The following AKIP1 variants were observed in gnomAD, a reference collection of about 807,000 sequenced individuals.
AKIP1 encodes the protein A-kinase-interacting protein 1.
A neutral mutation model predicts 22.3 loss-of-function variants in AKIP1; 18 were observed. The observed-to-expected ratio is 0.81, with a 90% CI of 0.56 to 1.19. AKIP1 has a LOEUF of 1.19. AKIP1 is among the 50% of genes most tolerant of loss of function. The pLI is 0.00. For missense variants in AKIP1, 287 were observed against 264.6 expected (o/e 1.08, Z -0.59); for synonymous variants, 120 against 102.7 (o/e 1.17, Z -1.02).
chr11:8,917,281 C>G lies in AKIP1; in HGVS notation c.409-6C>G. ...GCACAAATCAGTGTTCTACTTGTCT[C>G]TTCAGAGAAAAGACAGAAAAAAGAC... On this transcript the variant is annotated splice_region_variant and splice_polypyrimidine_tract_variant and intron_variant, in intron 4 of 5. Transcript: ENST00000309377. 6.3e-7 allele frequency: 1 copy of G among 1,595,690 alleles called. No homozygotes were observed. The highest frequency in any genetic ancestry group is 2.2e-5 in the East Asian group (1 of 44,676).
Position 8,919,389 on chromosome 11 carries a change from C to G in AKIP1, c.542C>G (p.Ser181Cys). The change falls in exon 6 of 6, where the codon TCT (serine) becomes TGT (cysteine). Residue 181 changes from serine (S) to cysteine (C), a missense_variant. Physicochemically the swap from Ser to Cys is moderately radical, Grantham distance 112. Transcript: ENST00000309377. Reference protein sequence around the residue: ...LYIEVYPGTYSVTVGSNDLTK... With the variant: ...LYIEVYPGTYCVTVGSNDLTK... The stretch of plus-strand genomic sequence containing the variant: ...ATAGAAGTATATCCAGGGACCTATT[C>G]TGTCACTGTGGGCTCAAATGACTTA... 6.2e-7 allele frequency: 1 copy of G among 1,613,930 alleles called. No homozygotes were observed. Among genetic ancestry groups the G allele is most frequent in the Non-Finnish European group, 8.5e-7 (1 of 1,179,762 alleles).
intron 5 of AKIP1, 59 bp downstream of exon 5, chr11:8,917,426 T>C (rs560581690): frequency 3.1e-6 from 4 of 1,276,436 alleles, no homozygotes; most frequent in South Asian, 1.2e-5. Context: ...CATGAACCAG[T>C]TGACATGGTT....
chr11:8,919,372 A>G lies in AKIP1; in HGVS notation c.525A>G (p.Val175=), dbSNP rs370931421. The G allele has an allele frequency of 4.3e-6, 7 of 1,613,990 alleles. No homozygotes were observed. Among genetic ancestry groups the G allele is most frequent in the Non-Finnish European group, 5.9e-6 (7 of 1,179,968 alleles). Residue 175 remains valine (V), a synonymous_variant, in exon 6 of 6, where the codon GTA becomes GTG. Coordinates refer to ENST00000309377, the MANE Select transcript of AKIP1 (RefSeq NM_020642.4). ...TCTCTAAGGACCTCTACATAGAAGT[A>G]TATCCAGGGACCTATTCTGTCACTG... is the stretch of plus-strand genomic sequence containing the variant. ...ENISKDLYIE[V]YPGTYSVTVG...
chr11:8,914,618 CG>C (rs1341817541), intron 3 of AKIP1, among the ~76,000 whole-genome samples: 1 of 152,144 alleles, frequency 6.6e-6, no homozygotes, highest in African/African-American at 2.4e-5. Context: ...GGTGGCAGCA[CG>C]GGGATGCCAA....
Position 8,919,647 on chromosome 11 carries a change from GT to G in AKIP1, c.*176del. The G allele has an allele frequency of 1.2e-4, 89 of 728,926 alleles. No homozygotes were observed. The highest frequency in any genetic ancestry group is 2.2e-4 in the South Asian group (11 of 50,162). 45.2% of individuals were successfully genotyped at this position (728,926 alleles called of 1,614,324 possible). Reference sequence around the variant, plus strand: ...CAGTGCTTTTTTGTTTGTTTGGTTGGTTTTTTTTTGAGACAGTCTCACTCTG... The same window carrying G: ...CAGTGCTTTTTTGTTTGTTTGGTTGGTTTTTTTTGAGACAGTCTCACTCTG... On this transcript the variant is annotated 3_prime_UTR_variant, in exon 6 of 6. Transcript: ENST00000309377.
intron 3 of AKIP1, among the ~76,000 whole-genome samples, chr11:8,913,499 C>T (rs949900296): frequency 1.3e-5 from 2 of 152,096 alleles, no homozygotes; most frequent in Admixed American, 6.5e-5. Context: ...AGTCATCTTT[C>T]GATACTTAGG....
intron 5 of AKIP1, chr11:8,917,758 C>A (rs1387369800): frequency 5.7e-6 from 2 of 350,846 alleles, no homozygotes; most frequent in East Asian, 8.5e-5. Context: ...CCGAAACATA[C>A]ACATTTGGTG....
chr11:8,911,707 T>C, intron 2 of AKIP1, 36 bp downstream of exon 2: 2 of 1,466,032 alleles, frequency 1.4e-6, no homozygotes, highest in Non-Finnish European at 1.8e-6. Context: ...CCCCAGTCCT[T>C]CGCGCCGCGG....
chr11:8,911,777 C>G, intron 2 of AKIP1, 106 bp downstream of exon 2: 2 of 1,141,036 alleles, frequency 1.8e-6, no homozygotes, highest in East Asian at 5.2e-5. Context: ...CTTCCCTTAG[C>G]GGAAGCTGGA....
At chr11:8,914,428 G>T (rs1272808139) in intron 3 of AKIP1, among the ~76,000 whole-genome samples, 4 of 152,166 alleles carry the variant, frequency 2.6e-5, no homozygotes, top group South Asian at 2.1e-4. Flanking sequence ...CTCTTCCCGT[G>T]TCCTGGTCTG....
At chr11:8,913,977 GTC>G (rs991514004) in intron 3 of AKIP1, among the ~76,000 whole-genome samples, 15 of 152,238 alleles carry the variant, frequency 9.9e-5, no homozygotes, top group African/African-American at 3.6e-4. Context: ...TTCAGTTCAA[GTC>G]TCTGTTATGA....
At chr11:8,918,551 G>A (rs1278229981) in intron 5 of AKIP1, among the ~76,000 whole-genome samples, 1 of 152,190 alleles carries the variant, frequency 6.6e-6, no homozygotes, top group African/African-American at 2.4e-5. Flanking sequence ...AAGCAAGCTT[G>A]TAATGGCATC....
chr11:8,911,512 A>T lies in AKIP1; in HGVS notation c.63A>T (p.Ser21=). Residue 21 remains serine (S), a synonymous_variant, in exon 2 of 6, where the codon TCA becomes TCT. Transcript: ENST00000309377. ...TGGACCGACGTTCCCTGCAGCGTTC[A>T]GCAAGGCTGGCTCTAGAAGTGCTGG... ...NGVDRRSLQR[S]ARLALEVLER... is the part of the protein sequence containing the mutation. The T allele has an allele frequency of 6.2e-7, 1 of 1,609,684 alleles. No homozygotes were observed. Among genetic ancestry groups the T allele is most frequent in the Non-Finnish European group, 8.5e-7 (1 of 1,178,380 alleles).
At chr11:8,912,362 C>T in intron 2 of AKIP1, 91 bp from the exon 3 acceptor site, 1 of 1,042,334 alleles carries the variant, frequency 9.6e-7, no homozygotes, top group Non-Finnish European at 1.5e-6. Context: ...AGAGCCTTTC[C>T]AAAAGTAAAA....
At chr11:8,919,316 A>T (rs749974075) in intron 5 of AKIP1, 21 bp from the exon 6 acceptor site, 31 of 1,608,012 alleles carry the variant, frequency 1.9e-5, no homozygotes, top group Non-Finnish European at 2.5e-5. Context: ...CTAAACTGCT[A>T]ATATCCTCTT....
At chr11:8,912,398 A>G in intron 2 of AKIP1, 55 bp from the exon 3 acceptor site, 6 of 1,471,750 alleles carry the variant, frequency 4.1e-6, no homozygotes, top group Non-Finnish European at 9.5e-7. Context: ...AAATGGCTTC[A>G]TTCTCCAGTA....
chr11:8,917,485 T>C (rs1369263588), intron 5 of AKIP1, 118 bp downstream of exon 5: 2 of 815,932 alleles, frequency 2.5e-6, no homozygotes, highest in Non-Finnish European at 2.1e-6. Flanking sequence ...AGTTGAGATG[T>C]TCTTACACTT....
chr11:8,912,870 A>ATTTTTT (rs1428029806), intron 3 of AKIP1, among the ~76,000 whole-genome samples: 1 of 48,206 alleles, frequency 2.1e-5, no homozygotes, highest in Admixed American at 3.4e-4. Context: ...GTTTTTTTTA[A>ATTTTTT]CTTTTTTTTT....
intron 3 of AKIP1, 96 bp from the exon 4 acceptor site, chr11:8,914,730 C>T: frequency 1.2e-6 from 1 of 862,040 alleles, no homozygotes; most frequent in Non-Finnish European, 1.9e-6. Context: ...GCTCTCTTGC[C>T]TCCCTCCTTA....
Sources: gnomAD v4.1 joint callset for allele counts (sites outside exome capture counted in the v4.1 genomes callset) on GRCh38, gnomAD v4.1.1 for gene constraint, MANE v1.5 for transcripts, NCBI Gene and HGNC (gene_info 2026-07-23, HGNC 2026-07-21) for gene names.